The following NRP1 variants were observed in gnomAD, a reference collection of about 807,000 sequenced individuals.
NRP1 encodes the protein neuropilin 1.
In NRP1, 35 loss-of-function variants were observed where a neutral mutation model predicts 106.7. The ratio of observed to expected loss-of-function variants is 0.33; its 90% CI spans 0.25 to 0.43. The LOEUF (loss-of-function observed/expected upper bound fraction) is 0.43, where lower values mean the gene tolerates loss of function less well. Ranked by LOEUF, NRP1 falls within the 20% of genes least tolerant of loss-of-function variation. NRP1 has a pLI of 1.00. For synonymous variants in NRP1, 437 were observed against 417.9 expected, an observed-to-expected ratio of 1.05 and a Z score of -0.56; for missense variants, 1,024 against 1,170.4, an observed-to-expected ratio of 0.87 and a Z score of 1.83.
At chr10:33,249,082 T>C (rs866165516) in intron 6 of NRP1, among the ~76,000 whole-genome samples, 1 of 128,724 alleles carries the variant, frequency 7.8e-6, no homozygotes, top group African/African-American at 3.2e-5. Flanking sequence ...ATTATGTCTC[T>C]TGTTTTTTTT....
chr10:33,225,564 G>T (rs556563324), intron 7 of NRP1, among the ~76,000 whole-genome samples: 2 of 152,186 alleles, frequency 1.3e-5, no homozygotes, highest in Admixed American at 6.5e-5. Context: ...CGAGGGACAC[G>T]GTATGGTCTG....
chr10:33,207,738 G>A (rs1837911220), intron 9 of NRP1, 22 bp from the exon 10 acceptor site: 1 of 1,599,392 alleles, frequency 6.3e-7, no homozygotes, highest in Non-Finnish European at 8.5e-7. Context: ...GGAAAACACA[G>A]GGCATTAAGG....
At chr10:33,206,069 T>C (rs1413621503) in intron 10 of NRP1, 1 of 391,902 alleles carries the variant, frequency 2.6e-6, no homozygotes, top group Non-Finnish European at 5.1e-6. Context: ...TCTCTTTCAC[T>C]GTCATCATGT....
intron 2 of NRP1, among the ~76,000 whole-genome samples, chr10:33,297,466 A>T (rs961178838): frequency 2.0e-5 from 3 of 152,114 alleles, no homozygotes; most frequent in Non-Finnish European, 4.4e-5. Context: ...TGGGTGGATC[A>T]CCTGAAGTCA....
At chr10:33,183,874 T>C (rs987164835) in intron 15 of NRP1, among the ~76,000 whole-genome samples, 1 of 152,246 alleles carries the variant, frequency 6.6e-6, no homozygotes, top group Non-Finnish European at 1.5e-5. Flanking sequence ...AGTGGTTTAA[T>C]GGAGCCGTAG....
intron 11 of NRP1, chr10:33,201,531 TTCATGGAATAGTAC>T: frequency 6.6e-6 from 1 of 152,278 alleles, no homozygotes; most frequent in East Asian, 1.9e-4. Flanking sequence ...GAGGACTTGG[TTCATGGAATAGTAC>T]TCTGTTTTTT....
In NRP1 at chr10:33,273,766, A is replaced by G. The variant is rs529025381; in HGVS notation, c.249-2910T>C. Among the ~76,000 whole-genome samples, 6 of 138,666 alleles carry G rather than the reference A, an allele frequency of 4.3e-5. No homozygotes were observed. In the South Asian group the frequency reaches 1.3e-3, roughly 31 times the overall value. The allele number at this position is 138,666 out of a possible 152,430, so 91.0% of individuals were successfully genotyped here. A position where few individuals can be genotyped will look rare whatever the true frequency, so the allele number is the denominator to read the frequency against. On this transcript the variant is annotated intron_variant, in intron 2 of 16. Transcript: ENST00000374867. ...ATTCATAAAAGCTAGAGGAGGGGTC[A>G]GAGAGTTGACCCCTCTGTCTGTCTG...
At chr10:33,253,916 A>C in intron 6 of NRP1, 112 bp downstream of exon 6, 1 of 911,314 alleles carries the variant, frequency 1.1e-6, no homozygotes, top group Non-Finnish European at 1.6e-6. Context: ...ATGGCCGTGA[A>C]CCTATCTTCT....
chr10:33,297,848 G>A (rs1362255941), intron 2 of NRP1, among the ~76,000 whole-genome samples: 1 of 151,932 alleles, frequency 6.6e-6, no homozygotes, highest in Non-Finnish European at 1.5e-5. Context: ...TGATTTTCTG[G>A]GATCCTACAG....
Position 33,256,407 on chromosome 10 carries a change from G to A in NRP1, c.723C>T (p.Gly241=), listed in dbSNP as rs1842198501. 6.2e-7 allele frequency: 1 copy of A among 1,614,170 alleles called. No homozygotes were observed. The change falls in exon 5 of 17, where the codon GGC becomes GGT. Residue 241 remains glycine, a synonymous_variant. Coordinates refer to ENST00000374867, the MANE Select transcript of NRP1 (RefSeq NM_003873.7). ...CGGTGTAAAAAACCATGGAGAGAAT[G>A]CCCGATGAGGATCGGATTCGACCTG... The part of the protein sequence containing the change: ...KTPGRIRSSS[G]ILSMVFYTDS...
chr10:33,182,753 C>G lies in NRP1; in HGVS notation c.2432-5G>C, dbSNP rs1835765289. Reference sequence around the variant, plus strand: ...TTTTATCCAGGTCTGCTGGTTCTGACAAGTCAAACAAAATTGAAAGAGATA... The same window carrying G: ...TTTTATCCAGGTCTGCTGGTTCTGAGAAGTCAAACAAAATTGAAAGAGATA... On this transcript the variant is annotated splice_polypyrimidine_tract_variant and splice_region_variant and intron_variant, in intron 15 of 16. Transcript: ENST00000374867. 6.2e-7 allele frequency: 1 copy of G among 1,610,374 alleles called. No homozygotes were observed. The highest frequency in any genetic ancestry group is 2.2e-5 in the East Asian group (1 of 44,800).
chr10:33,259,916 G>A (rs1044070721), intron 4 of NRP1, among the ~76,000 whole-genome samples: 8 of 152,074 alleles, frequency 5.3e-5, no homozygotes, highest in Non-Finnish European at 7.4e-5. Context: ...GTGCGGTGGC[G>A]CAATCATGGC....
chr10:33,293,975 G>A (rs184679875), intron 2 of NRP1, among the ~76,000 whole-genome samples: 8 of 152,310 alleles, frequency 5.3e-5, no homozygotes, highest in Admixed American at 1.3e-4. Context: ...CAAAGAGGTC[G>A]CAAATACCAA....
chr10:33,182,209 G>T, intron 16 of NRP1, among the ~76,000 whole-genome samples: 1 of 152,130 alleles, frequency 6.6e-6, no homozygotes, highest in South Asian at 2.1e-4. Flanking sequence ...TTCTAGTAGA[G>T]GAAGATGGGA....
At chr10:33,272,805 C>T (rs1843403397) in intron 2 of NRP1, among the ~76,000 whole-genome samples, 1 of 152,092 alleles carries the variant, frequency 6.6e-6, no homozygotes, top group Non-Finnish European at 1.5e-5. Flanking sequence ...GCAATATAGG[C>T]TTTTTACTTG....
At position 33,191,977 on chromosome 10, in the gene NRP1, CAAAAA is replaced by C. The variant is rs58214479; in HGVS notation, c.2062+299_2062+303del. 2.5e-3 allele frequency among the ~76,000 whole-genome samples: 181 copies of C among 71,712 alleles called. 2 individuals carry two copies. The highest frequency in any genetic ancestry group is 7.1e-3 in the African/African-American group (175 of 24,704). 47.0% of individuals were successfully genotyped at this position (71,712 alleles called of 152,430 possible). On this transcript the variant is annotated intron_variant, in intron 13 of 16. Transcript: ENST00000374867. Reference sequence around the variant, plus strand: ...CGGGCAACAGTGTGAGACTCCATTTCAAAAAAAAAAAAAAAAAAAAAAAGGATAAG... The same window carrying C: ...CGGGCAACAGTGTGAGACTCCATTTCAAAAAAAAAAAAAAAAAAGGATAAG...
At position 33,334,411 on chromosome 10, in the gene NRP1, G is replaced by A; in HGVS notation, c.-29C>T. On this transcript the variant is annotated 5_prime_UTR_variant, in exon 1 of 17. Transcript: ENST00000374867. ...CCCTTCTCCGGGTCCGCAGGCAGACGCGGGAGAACGAGGACGTGGGGGGAA... is the reference window on the plus strand; with the variant it reads ...CCCTTCTCCGGGTCCGCAGGCAGACACGGGAGAACGAGGACGTGGGGGGAA... 3 of 1,534,210 alleles carry A rather than the reference G, an allele frequency of 2.0e-6. No homozygotes were observed. Among genetic ancestry groups the A allele is most frequent in the Non-Finnish European group, 2.6e-6 (3 of 1,139,746 alleles).
At chr10:33,271,583 T>C (rs1404357742) in intron 2 of NRP1, among the ~76,000 whole-genome samples, 1 of 152,208 alleles carries the variant, frequency 6.6e-6, no homozygotes, top group Non-Finnish European at 1.5e-5. Flanking sequence ...TTTAAAGAAA[T>C]CTCGTTGTTT....
intron 2 of NRP1, among the ~76,000 whole-genome samples, chr10:33,277,463 C>T (rs1843788837): frequency 6.6e-6 from 1 of 152,250 alleles, no homozygotes; most frequent in South Asian, 2.1e-4. Context: ...CACGGGCAGC[C>T]CCAAGGAAGG....
Sources: allele counts gnomAD v4.1 joint callset (sites outside exome capture counted in the v4.1 genomes callset), GRCh38; gene constraint gnomAD v4.1.1; transcripts MANE v1.5; gene names NCBI Gene and HGNC (gene_info 2026-07-23, HGNC 2026-07-21).